Variants in RAB22A observed in about 807,000 individuals in gnomAD.
The protein encoded by RAB22A is RAB22A, member RAS oncogene family, also known as ras-related protein Rab-22A.
Under a neutral mutation model 30.2 loss-of-function variants are expected in RAB22A, and 13 were observed. The observed-to-expected ratio is 0.43, with a 90% CI of 0.28 to 0.68. RAB22A has a LOEUF of 0.68. Among genes scored for constraint, RAB22A ranks in the 30% least tolerant of loss-of-function variants. The pLI is 0.18. For synonymous variants in RAB22A, 89 were observed against 87.2 expected (o/e 1.02, Z -0.11); for missense variants, 177 against 246.8 (o/e 0.72, Z 1.89).
chr20:58,363,993 A>G lies in RAB22A; in HGVS notation c.*4290A>G, dbSNP rs571929598. 3 of 152,768 alleles carry G rather than the reference A, an allele frequency of 2.0e-5. No individual in the cohort carries two copies. Among genetic ancestry groups the G allele is most frequent in the Middle Eastern group, 3.4e-3 (1 of 294 alleles). 9.5% of individuals were successfully genotyped at this position (152,768 alleles called of 1,614,324 possible). ...AGCGGAGTTGCTTGTCTTGACTTCTAATAATATAAATCCAGGCAGTTTGAT... is the reference window on the plus strand; with the variant it reads ...AGCGGAGTTGCTTGTCTTGACTTCTGATAATATAAATCCAGGCAGTTTGAT... On this transcript the variant is annotated 3_prime_UTR_variant, in exon 7 of 7. Coordinates refer to ENST00000244040, the MANE Select transcript of RAB22A (RefSeq NM_020673.3).
At position 58,309,959 on chromosome 20, in the gene RAB22A, G is replaced by A; in HGVS notation, c.-18G>A. The A allele has an allele frequency of 7.9e-7, 1 of 1,264,896 alleles. No individual in the cohort carries two copies. Among genetic ancestry groups the A allele is most frequent in the Admixed American group, 4.2e-5 (1 of 24,026 alleles). The allele number at this position is 1,264,896 out of a possible 1,614,324, so 78.4% of individuals were successfully genotyped here. ...CAACTTAGGGCGGCGGCGGGCCCGC[G>A]CCCCTGGCTCCCGGGCCATGGCGCT... On this transcript the variant is annotated 5_prime_UTR_variant, in exon 1 of 7. Transcript: ENST00000244040.
At position 58,309,756 on chromosome 20, in the gene RAB22A, T is replaced by G. The variant is rs1460811543; in HGVS notation, c.-221T>G. Reference sequence around the variant, plus strand: ...GTCCCAAGATGGCGGCGGCGGCGGCTCCCGGAAGGCCGCGGCGGCGTCCCG... The same window carrying G: ...GTCCCAAGATGGCGGCGGCGGCGGCGCCCGGAAGGCCGCGGCGGCGTCCCG... On this transcript the variant is annotated 5_prime_UTR_variant, in exon 1 of 7. Coordinates refer to ENST00000244040, the MANE Select transcript of RAB22A (RefSeq NM_020673.3). 1 of 281,956 alleles carries G rather than the reference T, an allele frequency of 3.5e-6. No homozygotes were observed. The highest frequency in any genetic ancestry group is 6.4e-6 in the Non-Finnish European group (1 of 156,592). The allele number at this position is 281,956 out of a possible 1,614,324, so 17.5% of individuals were successfully genotyped here. A position where few individuals can be genotyped will look rare whatever the true frequency, so the allele number is the denominator to read the frequency against.
intron 2 of RAB22A, among the ~76,000 whole-genome samples, chr20:58,313,567 C>T (rs78933438): frequency 0.025 from 3,840 of 152,234 alleles, 156 homozygotes; most frequent in African/African-American, 0.087. Context: ...TTACCACTTC[C>T]GCAACTGCTG....
At chr20:58,338,344 C>G (rs1986797143) in intron 2 of RAB22A, among the ~76,000 whole-genome samples, 1 of 152,050 alleles carries the variant, frequency 6.6e-6, no homozygotes, top group African/African-American at 2.4e-5. Flanking sequence ...GAAATCTTTT[C>G]CTTGATTTTA....
Position 58,337,620 on chromosome 20 carries a change from T to A in RAB22A, c.117-6098T>A, listed in dbSNP as rs149064682. ...AGTGTAAGCCACTTGAGGGCTGTGA[T>A]GGGCTCTTTCTCACCTTGCCTGCCT... On this transcript the variant is annotated intron_variant, in intron 2 of 6. Transcript: ENST00000244040. Among the ~76,000 whole-genome samples the A allele has an allele frequency of 2.1e-3, 313 of 152,304 alleles. 1 individual carries two copies. The highest frequency in any genetic ancestry group is 7.2e-3 in the African/African-American group (301 of 41,570).
intron 2 of RAB22A, among the ~76,000 whole-genome samples, chr20:58,332,796 A>G (rs1332843807): frequency 1.3e-5 from 2 of 152,086 alleles, no homozygotes; most frequent in South Asian, 2.1e-4. Flanking sequence ...CCACAACTCC[A>G]CAGTCTAGGT....
intron 2 of RAB22A, among the ~76,000 whole-genome samples, chr20:58,340,164 G>A (rs1188584138): frequency 6.6e-6 from 1 of 152,206 alleles, no homozygotes; most frequent in East Asian, 1.9e-4. Flanking sequence ...AAACGTGAAT[G>A]AGCAGGAAAG....
In RAB22A at chr20:58,359,634, C is replaced by G. The variant is rs777825811; in HGVS notation, c.516C>G (p.Asn172Lys). Residue 172 changes from asparagine to lysine, a missense_variant, in exon 7 of 7, where the codon AAC becomes AAG. Transcript: ENST00000244040. ...GAAGAATTCCATCCACTGACGCCAA[C>G]CTGCCATCTGGCGGTAAGGGCTTCA... ...ISRRIPSTDA[N>K]LPSGGKGFKL... The G allele has an allele frequency of 6.2e-7, 1 of 1,612,210 alleles. No homozygotes were observed. Among genetic ancestry groups the G allele is most frequent in the South Asian group, 1.1e-5 (1 of 90,962 alleles).
In RAB22A at chr20:58,366,496, A is replaced by G. The variant is rs1987319828; in HGVS notation, c.*6793A>G. Reference sequence around the variant, plus strand: ...AGAATATTCCCAACACAAAGAAAAGATAAGCGAGGTGAAGGAAATCCCAGT... The same window carrying G: ...AGAATATTCCCAACACAAAGAAAAGGTAAGCGAGGTGAAGGAAATCCCAGT... On this transcript the variant is annotated 3_prime_UTR_variant, in exon 7 of 7. Coordinates refer to ENST00000244040, the MANE Select transcript of RAB22A (RefSeq NM_020673.3). 6.6e-6 allele frequency: 1 copy of G among 151,992 alleles called. No individual in the cohort carries two copies. The highest frequency in any genetic ancestry group is 1.5e-5 in the Non-Finnish European group (1 of 68,004). The allele number at this position is 151,992 out of a possible 1,614,324, so 9.4% of individuals were successfully genotyped here. A position where few individuals can be genotyped will look rare whatever the true frequency, so the allele number is the denominator to read the frequency against.
intron 2 of RAB22A, among the ~76,000 whole-genome samples, chr20:58,312,993 C>T (rs1986261638): frequency 6.6e-6 from 1 of 152,208 alleles, no homozygotes; most frequent in African/African-American, 2.4e-5. Context: ...TGGGAAGTGA[C>T]AGCAAGTACT....
chr20:58,313,143 A>G (rs1042297190), intron 2 of RAB22A, among the ~76,000 whole-genome samples: 2 of 152,114 alleles, frequency 1.3e-5, no homozygotes, highest in Non-Finnish European at 2.9e-5. Context: ...AGCTTCATGC[A>G]TCTTGGTGAG....
intron 2 of RAB22A, among the ~76,000 whole-genome samples, chr20:58,337,860 C>CCA (rs1986785561): frequency 6.6e-6 from 1 of 152,110 alleles, no homozygotes; most frequent in Admixed American, 6.5e-5. Context: ...TAGAGGGATT[C>CCA]AGTTGGGTCA....
chr20:58,311,241 G>T, intron 2 of RAB22A, 119 bp downstream of exon 2: 2 of 946,750 alleles, frequency 2.1e-6, no homozygotes, highest in Non-Finnish European at 3.4e-6. Context: ...TCGCTGGTTC[G>T]CATCATCTCT....
intron 3 of RAB22A, among the ~76,000 whole-genome samples, chr20:58,346,441 C>G (rs956925078): frequency 1.3e-5 from 2 of 152,224 alleles, no homozygotes; most frequent in Non-Finnish European, 2.9e-5. Flanking sequence ...GGCCTCATGC[C>G]TCTGGATACG....
rs1396126842 is a variant in RAB22A at position 58,366,033 on chromosome 20, C to A, written c.*6330C>A. Reference sequence around the variant, plus strand: ...AAAGATTTTTTTTTTAACTCTCATGCAGTTCAGTCTTTCCATCATTTCACT... The same window carrying A: ...AAAGATTTTTTTTTTAACTCTCATGAAGTTCAGTCTTTCCATCATTTCACT... On this transcript the variant is annotated 3_prime_UTR_variant, in exon 7 of 7. Transcript: ENST00000244040. 6.6e-6 allele frequency: 1 copy of A among 152,166 alleles called. No individual in the cohort carries two copies. The highest frequency in any genetic ancestry group is 2.4e-5 in the African/African-American group (1 of 41,410). 9.4% of individuals were successfully genotyped at this position (152,166 alleles called of 1,614,324 possible). A position where few individuals can be genotyped will look rare whatever the true frequency, so the allele number is the denominator to read the frequency against.
chr20:58,324,301 TG>T (rs201634750), intron 2 of RAB22A, among the ~76,000 whole-genome samples: 1,395 of 108,932 alleles, frequency 0.013, 22 homozygotes, highest in African/African-American at 0.059. Flanking sequence ...TTTAATACAT[TG>T]GGGTTTTTTT....
At chr20:58,328,661 G>A (rs1373924859) in intron 2 of RAB22A, among the ~76,000 whole-genome samples, 3 of 152,060 alleles carry the variant, frequency 2.0e-5, no homozygotes, top group Non-Finnish European at 4.4e-5. Flanking sequence ...CAGGATCTAG[G>A]ATTTCCCAAA....
At position 58,358,350 on chromosome 20, in the gene RAB22A, C is replaced by T. The variant is rs546520347; in HGVS notation, c.488-1256C>T. On this transcript the variant is annotated intron_variant, in intron 6 of 6. Transcript: ENST00000244040. ...TCAAAATTTAAATTGCACATTCTTC[C>T]TGCATTTGTGCTAGATAGACACTGG... Among the ~76,000 whole-genome samples the T allele has an allele frequency of 1.6e-3, 245 of 152,250 alleles. 1 individual carries two copies. Among genetic ancestry groups the T allele is most frequent in the African/African-American group, 5.8e-3 (239 of 41,532 alleles).
Position 58,325,927 on chromosome 20 carries a change from A to G in RAB22A, c.116+14805A>G, listed in dbSNP as rs367906179. 3.9e-5 allele frequency among the ~76,000 whole-genome samples: 6 copies of G among 152,230 alleles called. No individual in the cohort carries two copies. The South Asian group carries it at 1.2e-3, about 32-fold the overall frequency. ...GCCTACCTGCCTTTATAAGTTACTA[A>G]GAGGAATGAGTTAAATCTGTCACTA... On this transcript the variant is annotated intron_variant, in intron 2 of 6. Transcript: ENST00000244040.
Sources: gnomAD v4.1 joint callset for allele counts (sites outside exome capture counted in the v4.1 genomes callset) on GRCh38, gnomAD v4.1.1 for gene constraint, MANE v1.5 for transcripts, NCBI Gene and HGNC (gene_info 2026-07-23, HGNC 2026-07-21) for gene names.